Variants in MVB12B observed in about 807,000 individuals in gnomAD.
MVB12B encodes ESCRT-I complex subunit MVB12B.
Under a neutral mutation model 41.6 loss-of-function variants are expected in MVB12B, and 16 were observed. That is an observed-to-expected ratio of 0.38 (90% CI 0.26 to 0.58). The LOEUF is 0.58. Among genes scored for constraint, MVB12B ranks in the 20% least tolerant of loss-of-function variants. MVB12B has a pLI of 0.62. For synonymous variants in MVB12B, 133 were observed against 139.7 expected (o/e 0.95, Z 0.34); for missense variants, 274 against 380.2 (o/e 0.72, Z 2.32).
Position 126,436,460 on chromosome 9 carries a change from A to G in MVB12B, c.757+14512A>G, listed in dbSNP as rs943739023. Among the ~76,000 whole-genome samples the G allele has an allele frequency of 3.3e-5, 5 of 152,348 alleles. No homozygotes were observed. The highest frequency in any genetic ancestry group is 2.1e-4 in the South Asian group (1 of 4,822). On this transcript the variant is annotated intron_variant, in intron 7 of 9. Transcript: ENST00000361171. The surrounding 1 kb of genome is among the most constrained non-coding windows in gnomAD (Gnocchi z 4.1). The stretch of plus-strand genomic sequence containing the variant: ...TTCAAAGTCAATTACTGCTTGTCCT[A>G]TTATAATTTACACACACAGGATTTG...
At chr9:126,442,795 T>A (rs1832672044) in intron 7 of MVB12B, among the ~76,000 whole-genome samples, 1 of 152,084 alleles carries the variant, frequency 6.6e-6, no homozygotes, top group Non-Finnish European at 1.5e-5. Flanking sequence ...CCGGCCAACA[T>A]GAGTTGGGCA....
At chr9:126,407,367 C>G (rs1400486280) in intron 6 of MVB12B, among the ~76,000 whole-genome samples, 6 of 152,204 alleles carry the variant, frequency 3.9e-5, no homozygotes, top group Admixed American at 2.0e-4. Flanking sequence ...TGGCCTTCTC[C>G]CAGCACACAA....
At chr9:126,329,582 G>A (rs1829071777) in intron 1 of MVB12B, among the ~76,000 whole-genome samples, 1 of 152,198 alleles carries the variant, frequency 6.6e-6, no homozygotes, top group Admixed American at 6.5e-5. Flanking sequence ...TTTCATGGAG[G>A]ATCTTCTCCT....
chr9:126,389,608 G>A lies in MVB12B; in HGVS notation c.410-2458G>A, dbSNP rs1830888056. 6.6e-6 allele frequency among the ~76,000 whole-genome samples: 1 copy of A among 152,182 alleles called. No homozygotes were observed. Among genetic ancestry groups the A allele is most frequent in the South Asian group, 2.1e-4 (1 of 4,836 alleles). Reference sequence around the variant, plus strand: ...GGAAGAATGGAGCCAAGAGCAGCGTGGCAACAGCAAGTGAAACACCCGGCG... The same window carrying A: ...GGAAGAATGGAGCCAAGAGCAGCGTAGCAACAGCAAGTGAAACACCCGGCG... On this transcript the variant is annotated intron_variant, in intron 4 of 9. Transcript: ENST00000361171. The surrounding 1 kb of genome is among the most constrained non-coding windows in gnomAD (Gnocchi z 4.4).
chr9:126,345,591 C>A lies in MVB12B; in HGVS notation c.204+4961C>A, dbSNP rs115564288. ...TAGGTTTCAGTGGCAGGCAAGGAGC[C>A]ACTCCCCAGGAGGTCTCTCTGATAA... On this transcript the variant is annotated intron_variant, in intron 2 of 9. Coordinates refer to ENST00000361171, the MANE Select transcript of MVB12B (RefSeq NM_033446.3). 6.5e-3 allele frequency among the ~76,000 whole-genome samples: 995 copies of A among 152,318 alleles called. 14 individuals are homozygous for A. Among genetic ancestry groups the A allele is most frequent in the African/African-American group, 0.022 (932 of 41,572 alleles).
chr9:126,443,738 G>A (rs1045000312), intron 7 of MVB12B, among the ~76,000 whole-genome samples: 2 of 152,156 alleles, frequency 1.3e-5, no homozygotes, highest in African/African-American at 4.8e-5. Flanking sequence ...ATATTTACAT[G>A]TAATAAAATC....
At chr9:126,387,673 G>A (rs767213863) in intron 4 of MVB12B, among the ~76,000 whole-genome samples, 1 of 152,114 alleles carries the variant, frequency 6.6e-6, no homozygotes, top group Non-Finnish European at 1.5e-5. Flanking sequence ...ATTATTTTAT[G>A]TATTACCTGA....
chr9:126,364,977 C>G (rs1483877734), intron 2 of MVB12B, among the ~76,000 whole-genome samples: 1 of 151,918 alleles, frequency 6.6e-6, no homozygotes, highest in Admixed American at 6.6e-5. Context: ...TGGTCTCTAT[C>G]TCCTGACCTC....
chr9:126,409,995 A>T (rs1831583359), intron 6 of MVB12B, among the ~76,000 whole-genome samples: 1 of 152,122 alleles, frequency 6.6e-6, no homozygotes, highest in Admixed American at 6.5e-5. Context: ...TTGTTTTAAG[A>T]TTTAAACTAG....
chr9:126,412,102 C>A (rs1322063032), intron 6 of MVB12B, among the ~76,000 whole-genome samples: 2 of 152,214 alleles, frequency 1.3e-5, no homozygotes, highest in African/African-American at 4.8e-5. Flanking sequence ...CACCATTGAC[C>A]AGCCTTGGAG....
intron 9 of MVB12B, among the ~76,000 whole-genome samples, chr9:126,497,003 T>C (rs1416021085): frequency 1.3e-5 from 2 of 152,076 alleles, no homozygotes; most frequent in Non-Finnish European, 2.9e-5. Context: ...CCGATGAGGA[T>C]TGACAGAATG....
intron 7 of MVB12B, among the ~76,000 whole-genome samples, chr9:126,467,350 TC>T (rs758263410): frequency 3.3e-4 from 50 of 152,200 alleles, no homozygotes; most frequent in Non-Finnish European, 5.3e-4. Context: ...TCTCAGTGCA[TC>T]CTGTTGGGAG....
At chr9:126,429,610 C>A (rs1588165876) in intron 7 of MVB12B, among the ~76,000 whole-genome samples, 1 of 152,194 alleles carries the variant, frequency 6.6e-6, no homozygotes, top group East Asian at 1.9e-4. Flanking sequence ...GTGCATTATT[C>A]CTTTCCTGGG....
chr9:126,361,268 T>C (rs1830021726), intron 2 of MVB12B, among the ~76,000 whole-genome samples: 1 of 152,202 alleles, frequency 6.6e-6, no homozygotes, highest in East Asian at 1.9e-4. Flanking sequence ...GTCTATACCA[T>C]GTATCTTTAG....
chr9:126,464,737 T>A (rs1833163384), intron 7 of MVB12B, among the ~76,000 whole-genome samples: 1 of 152,226 alleles, frequency 6.6e-6, no homozygotes, highest in African/African-American at 2.4e-5. Context: ...TGGCAAGGTG[T>A]TACCCTCTCT....
chr9:126,437,019 T>C (rs1253016291), intron 7 of MVB12B, among the ~76,000 whole-genome samples: 2 of 152,196 alleles, frequency 1.3e-5, no homozygotes, highest in African/African-American at 2.4e-5. Flanking sequence ...AGCTGTCTTA[T>C]GGTACTGTAA....
At chr9:126,450,867 C>G (rs1409936624) in intron 7 of MVB12B, among the ~76,000 whole-genome samples, 1 of 152,150 alleles carries the variant, frequency 6.6e-6, no homozygotes, top group Non-Finnish European at 1.5e-5. Context: ...TTTTGGGAGG[C>G]AGATCAAGCA....
intron 1 of MVB12B, among the ~76,000 whole-genome samples, chr9:126,334,246 A>G (rs1829217640): frequency 6.6e-6 from 1 of 152,200 alleles, no homozygotes; most frequent in South Asian, 2.1e-4. Flanking sequence ...CAGGGGGAAG[A>G]TGGCAAGGTC....
chr9:126,389,157 G>A lies in MVB12B; in HGVS notation c.409+2499G>A, dbSNP rs566934162. On this transcript the variant is annotated intron_variant, in intron 4 of 9. Coordinates refer to ENST00000361171, the MANE Select transcript of MVB12B (RefSeq NM_033446.3). This position sits in a 1 kb window ranked among gnomAD's most constrained non-coding sequence, Gnocchi z 4.4. ...TGTCCCAAGTGTGGACTCTGAGATCGGTCCTGGGCCCAATGCCAGGTGCCT... is the reference window on the plus strand; with the variant it reads ...TGTCCCAAGTGTGGACTCTGAGATCAGTCCTGGGCCCAATGCCAGGTGCCT... Among the ~76,000 whole-genome samples the A allele has an allele frequency of 5.9e-5, 9 of 152,284 alleles. No individual in the cohort carries two copies. The highest frequency in any genetic ancestry group is 1.9e-4 in the East Asian group (1 of 5,170).
Sources: gnomAD v4.1 joint callset for allele counts (sites outside exome capture counted in the v4.1 genomes callset) on GRCh38, gnomAD v4.1.1 for gene constraint, Gnocchi (gnomAD v3.1) non-coding constraint, MANE v1.5 for transcripts, NCBI Gene and HGNC (gene_info 2026-07-23, HGNC 2026-07-21) for gene names.